DPP10: variants seen among roughly 807,000 people sequenced by gnomAD.
DPP10 encodes inactive dipeptidyl peptidase 10.
In DPP10, 33 loss-of-function variants were observed where a neutral mutation model predicts 120.9. That is an observed-to-expected ratio of 0.27 (90% CI 0.21 to 0.37). The LOEUF (loss-of-function observed/expected upper bound fraction) is 0.37, where lower values mean the gene tolerates loss of function less well. Ranked by LOEUF, DPP10 falls within the 10% of genes least tolerant of loss-of-function variation. The pLI is 1.00. For synonymous variants in DPP10, 337 were observed against 326.1 expected, an observed-to-expected ratio of 1.03 and a Z score of -0.36; for missense variants, 816 against 942.8, an observed-to-expected ratio of 0.87 and a Z score of 1.76.
At chr2:115,604,416 T>C (rs918949655) in intron 5 of DPP10, among the ~76,000 whole-genome samples, 4 of 152,210 alleles carry the variant, frequency 2.6e-5, no homozygotes, top group Admixed American at 2.6e-4. Context: ...AATTCTCATA[T>C]CTGTTATTTC....
intron 1 of DPP10, among the ~76,000 whole-genome samples, chr2:114,563,071 A>G (rs1275676293): frequency 3.9e-5 from 6 of 152,352 alleles, no homozygotes; most frequent in African/African-American, 9.6e-5. Flanking sequence ...CAACGTTTGC[A>G]TATTAAGAAC....
intron 1 of DPP10, among the ~76,000 whole-genome samples, chr2:114,872,244 G>A (rs957799489): frequency 2.6e-5 from 4 of 152,110 alleles, no homozygotes; most frequent in South Asian, 4.1e-4. Flanking sequence ...AAGCAAACAC[G>A]TCCTTCTTCA....
chr2:114,612,106 C>T (rs1693327085), intron 1 of DPP10, among the ~76,000 whole-genome samples: 1 of 152,178 alleles, frequency 6.6e-6, no homozygotes, highest in Non-Finnish European at 1.5e-5. Context: ...AATCCAAATT[C>T]TACATCAACG....
intron 3 of DPP10, among the ~76,000 whole-genome samples, chr2:115,469,200 T>C (rs1316744255): frequency 6.6e-6 from 1 of 152,136 alleles, no homozygotes; most frequent in African/African-American, 2.4e-5. Flanking sequence ...CATTATTGTC[T>C]AAAGAAAATA....
chr2:115,488,799 G>A (rs1477686460), intron 3 of DPP10, among the ~76,000 whole-genome samples: 7 of 132,930 alleles, frequency 5.3e-5, no homozygotes, highest in Non-Finnish European at 7.9e-5. Context: ...ATTAGTGGGT[G>A]CAGCGCACCA....
intron 3 of DPP10, among the ~76,000 whole-genome samples, chr2:115,359,323 G>T (rs1428027290): frequency 6.6e-6 from 1 of 152,080 alleles, no homozygotes; most frequent in Non-Finnish European, 1.5e-5. Context: ...GACTGTTTTG[G>T]TGATAATAAA....
intron 1 of DPP10, among the ~76,000 whole-genome samples, chr2:114,599,022 G>A (rs1315196758): frequency 1.3e-5 from 2 of 151,810 alleles, no homozygotes; most frequent in Non-Finnish European, 2.9e-5. Flanking sequence ...GATGAAAAGA[G>A]TTCTGCGTTT....
At chr2:114,727,765 G>A (rs1257446159) in intron 1 of DPP10, among the ~76,000 whole-genome samples, 2 of 152,188 alleles carry the variant, frequency 1.3e-5, no homozygotes, top group African/African-American at 4.8e-5. Context: ...GTTTCTAGGA[G>A]GTACCACAAA....
At chr2:115,758,425 T>C (rs1559118566) in intron 11 of DPP10, among the ~76,000 whole-genome samples, 1 of 152,124 alleles carries the variant, frequency 6.6e-6, no homozygotes, top group African/African-American at 2.4e-5. Context: ...TACTGAATAC[T>C]ACAACATTGC....
At chr2:115,600,859 A>C (rs2083279879) in intron 5 of DPP10, among the ~76,000 whole-genome samples, 1 of 152,224 alleles carries the variant, frequency 6.6e-6, no homozygotes, top group Non-Finnish European at 1.5e-5. Context: ...ACAAAAGCAT[A>C]ACTGCTGTTG....
chr2:115,326,830 A>G (rs2062394629), intron 2 of DPP10, among the ~76,000 whole-genome samples: 2 of 152,088 alleles, frequency 1.3e-5, no homozygotes, highest in African/African-American at 4.8e-5. Context: ...GAAAAGTGTC[A>G]ATGATGAAAA....
At chr2:115,332,985 T>C (rs2030189563) in intron 2 of DPP10, among the ~76,000 whole-genome samples, 1 of 152,164 alleles carries the variant, frequency 6.6e-6, no homozygotes, top group African/African-American at 2.4e-5. Context: ...CCTTTTTAAC[T>C]TTCTGTCTCG....
chr2:114,971,182 G>C (rs1220836889), intron 1 of DPP10, among the ~76,000 whole-genome samples: 1 of 152,152 alleles, frequency 6.6e-6, no homozygotes, highest in African/African-American at 2.4e-5. Flanking sequence ...AAATTGACAA[G>C]CAATTTGAGA....
At chr2:114,789,104 G>A in intron 1 of DPP10, among the ~76,000 whole-genome samples, 1 of 152,144 alleles carries the variant, frequency 6.6e-6, no homozygotes. Flanking sequence ...GCCCATCAGA[G>A]ACATTCTGGA....
At chr2:115,508,774 G>T (rs1367447022) in intron 4 of DPP10, among the ~76,000 whole-genome samples, 1 of 152,120 alleles carries the variant, frequency 6.6e-6, no homozygotes, top group Non-Finnish European at 1.5e-5. Flanking sequence ...GTGGTGGCAT[G>T]TGCTTCTAGT....
At chr2:115,345,602 G>A (rs1446157870) in intron 3 of DPP10, among the ~76,000 whole-genome samples, 1 of 152,026 alleles carries the variant, frequency 6.6e-6, no homozygotes. Flanking sequence ...TAGACATTTT[G>A]TAGTCTTTGA....
intron 19 of DPP10, among the ~76,000 whole-genome samples, chr2:115,810,507 T>C (rs1251499704): frequency 6.6e-6 from 1 of 152,198 alleles, no homozygotes; most frequent in Non-Finnish European, 1.5e-5. Context: ...GTTTGTTTTA[T>C]TCCATTTTTT....
At position 114,632,503 on chromosome 2, in the gene DPP10, GTTTTTTT is replaced by G. The variant is rs756591992; in HGVS notation, c.60+189685_60+189691del. On this transcript the variant is annotated intron_variant, in intron 1 of 25. Transcript: ENST00000410059. ...ATAACTGTGTAACTATGGACTTAGG[GTTTTTTT>G]TTTTTTTTTTTTTTTTTTTGGAGAA... is the stretch of plus-strand genomic sequence containing the variant. Among the ~76,000 whole-genome samples, 5 of 88,622 alleles carry G rather than the reference GTTTTTTT, an allele frequency of 5.6e-5. 1 individual carries two copies. The East Asian group carries it at 1.8e-3, about 31-fold the overall frequency. 58.1% of individuals were successfully genotyped at this position (88,622 alleles called of 152,430 possible).
chr2:114,771,855 A>T (rs1396744868), intron 1 of DPP10, among the ~76,000 whole-genome samples: 1 of 152,184 alleles, frequency 6.6e-6, no homozygotes, highest in Non-Finnish European at 1.5e-5. Flanking sequence ...ACATAGTAAA[A>T]CACTTAATAA....
Sources: gnomAD v4.1 joint callset for allele counts (sites outside exome capture counted in the v4.1 genomes callset) on GRCh38, gnomAD v4.1.1 for gene constraint, MANE v1.5 for transcripts, NCBI Gene and HGNC (gene_info 2026-07-23, HGNC 2026-07-21) for gene names.